MALRD1: variants seen among roughly 807,000 people sequenced by gnomAD.
MALRD1 encodes MAM and LDL-receptor class A domain-containing protein 1.
A neutral mutation model predicts 242.1 loss-of-function variants in MALRD1; 247 were observed. The observed-to-expected ratio is 1.02, with a 90% confidence interval of 0.92 to 1.13. MALRD1 has a LOEUF of 1.13. Among genes scored for constraint, MALRD1 ranks in the 50% most tolerant of loss-of-function variants. The pLI is 0.00. For missense variants in MALRD1, 2,989 were observed against 2,533.1 expected, an observed-to-expected ratio of 1.18 and a Z score of -3.86; for synonymous variants, 995 against 866.6, an observed-to-expected ratio of 1.15 and a Z score of -2.60.
intron 14 of MALRD1, among the ~76,000 whole-genome samples, chr10:19,175,662 T>A (rs1054115959): frequency 1.3e-5 from 2 of 151,972 alleles, no homozygotes; most frequent in Middle Eastern, 3.4e-3. Context: ...TCTCCATTAA[T>A]TTTATTCAGA....
intron 1 of MALRD1, 33 bp downstream of exon 1, chr10:19,049,170 T>C (rs1834412797): frequency 8.1e-7 from 1 of 1,232,526 alleles, no homozygotes; most frequent in South Asian, 4.1e-5. Context: ...CAATTTCAAT[T>C]CCCCGTACAG....
At chr10:19,217,309 G>A (rs1308090224) in intron 18 of MALRD1, among the ~76,000 whole-genome samples, 1 of 152,104 alleles carries the variant, frequency 6.6e-6, no homozygotes, top group Non-Finnish European at 1.5e-5. Context: ...TAAATTGCCA[G>A]TAGTCCAGAG....
intron 33 of MALRD1, among the ~76,000 whole-genome samples, chr10:19,577,158 T>A (rs575282229): frequency 3.9e-5 from 6 of 152,294 alleles, no homozygotes; most frequent in Admixed American, 3.9e-4. Flanking sequence ...TTTGGTTCAG[T>A]TAGTGATTCA....
chr10:19,497,798 T>G (rs1018519570), intron 30 of MALRD1, among the ~76,000 whole-genome samples: 2 of 152,098 alleles, frequency 1.3e-5, no homozygotes, highest in Admixed American at 6.6e-5. Flanking sequence ...AAGTAATAAC[T>G]GATGTACAAA....
chr10:19,705,655 T>C (rs533874633), intron 38 of MALRD1, among the ~76,000 whole-genome samples: 1 of 152,060 alleles, frequency 6.6e-6, no homozygotes, highest in East Asian at 1.9e-4. Context: ...CTCCTCCTCC[T>C]CCTCCTCCTC....
At chr10:19,490,807 G>C (rs1039657463) in intron 29 of MALRD1, among the ~76,000 whole-genome samples, 6 of 151,942 alleles carry the variant, frequency 3.9e-5, no homozygotes, top group Admixed American at 3.9e-4. Context: ...TTTTTTATAC[G>C]AGGATGAGTA....
rs1208974501 is a variant in MALRD1 at position 19,559,635 on chromosome 10, CA to C, written c.5479-7864del. ...CAATGGCAACAAAGACCAAAATTGA[CA>C]AATGGGTTCTAATTAAACTAAAGGA... On this transcript the variant is annotated intron_variant, in intron 32 of 39. Transcript: ENST00000454679. 8.5e-5 allele frequency among the ~76,000 whole-genome samples: 13 copies of C among 152,064 alleles called. 1 individual carries two copies. The highest frequency in any genetic ancestry group is 3.1e-4 in the African/African-American group (13 of 41,408).
At chr10:19,586,614 C>G (rs984231396) in intron 33 of MALRD1, among the ~76,000 whole-genome samples, 7 of 152,296 alleles carry the variant, frequency 4.6e-5, no homozygotes, top group Admixed American at 6.5e-5. Context: ...CTGGGAGAAC[C>G]ACTGCTCTCT....
At chr10:19,503,426 G>A (rs778399383) in intron 31 of MALRD1, among the ~76,000 whole-genome samples, 2 of 152,182 alleles carry the variant, frequency 1.3e-5, no homozygotes, top group Non-Finnish European at 2.9e-5. Flanking sequence ...CATTTTCACT[G>A]CCCATCACAG....
At chr10:19,067,116 A>G (rs1835005177) in intron 2 of MALRD1, among the ~76,000 whole-genome samples, 2 of 152,316 alleles carry the variant, frequency 1.3e-5, no homozygotes, top group South Asian at 2.1e-4. Flanking sequence ...TTGGATTCCA[A>G]TAGGTCTGCT....
chr10:19,281,209 A>C (rs185813120), intron 20 of MALRD1, among the ~76,000 whole-genome samples: 148 of 147,754 alleles, frequency 1.0e-3, no homozygotes, highest in African/African-American at 3.7e-3. Flanking sequence ...TAATTAACTC[A>C]AGCTAGCCAG....
At chr10:19,174,526 TC>T (rs1835140976) in intron 13 of MALRD1, among the ~76,000 whole-genome samples, 1 of 152,114 alleles carries the variant, frequency 6.6e-6, no homozygotes, top group African/African-American at 2.4e-5. Context: ...ATAAATTACT[TC>T]TTCCTTTCCC....
At chr10:19,409,060 G>T (rs1216960885) in intron 28 of MALRD1, among the ~76,000 whole-genome samples, 1 of 152,306 alleles carries the variant, frequency 6.6e-6, no homozygotes, top group African/African-American at 2.4e-5. Context: ...CTTTGTAACA[G>T]CCAATATCTA....
chr10:19,635,486 C>G (rs1840088727), intron 36 of MALRD1, among the ~76,000 whole-genome samples: 1 of 151,912 alleles, frequency 6.6e-6, no homozygotes, highest in African/African-American at 2.4e-5. Flanking sequence ...AAATCCAATT[C>G]TAAGTTAAAT....
intron 2 of MALRD1, among the ~76,000 whole-genome samples, chr10:19,071,829 C>A (rs1424300013): frequency 2.0e-5 from 3 of 152,086 alleles, no homozygotes; most frequent in African/African-American, 2.4e-5. Flanking sequence ...GTTTCTGCAG[C>A]CTCTGTCTGA....
intron 32 of MALRD1, among the ~76,000 whole-genome samples, chr10:19,541,743 A>G (rs989982353): frequency 6.6e-6 from 1 of 152,206 alleles, no homozygotes; most frequent in Admixed American, 6.5e-5. Flanking sequence ...TCACATAATA[A>G]GAATCACTGG....
chr10:19,309,519 A>G (rs1433167528), intron 21 of MALRD1, among the ~76,000 whole-genome samples: 1 of 151,514 alleles, frequency 6.6e-6, no homozygotes, highest in African/African-American at 2.4e-5. Context: ...GCACCGTTCC[A>G]GGTGCTGGGG....
intron 21 of MALRD1, among the ~76,000 whole-genome samples, chr10:19,306,061 C>CTATACTATACTATATACTATA (rs1564546735): frequency 2.0e-5 from 2 of 98,054 alleles, no homozygotes; most frequent in African/African-American, 8.6e-5. Flanking sequence ...ATTTATTATA[C>CTATACTATACTATATACTATA]TATACTATAT....
chr10:19,217,743 C>G (rs1048060721), intron 18 of MALRD1, among the ~76,000 whole-genome samples: 2 of 152,022 alleles, frequency 1.3e-5, no homozygotes, highest in Non-Finnish European at 2.9e-5. Context: ...CCAGGATGGT[C>G]TCGATCTCTT....
Sources: allele counts gnomAD v4.1 joint callset (sites outside exome capture counted in the v4.1 genomes callset), GRCh38; gene constraint gnomAD v4.1.1; transcripts MANE v1.5; gene names NCBI Gene and HGNC (gene_info 2026-07-23, HGNC 2026-07-21).